The following SLC4A4 variants were observed in gnomAD, a reference collection of about 807,000 sequenced individuals.
The protein encoded by SLC4A4 is solute carrier family 4 member 4, also known as electrogenic sodium bicarbonate cotransporter 1.
SLC4A4 carries 27 observed loss-of-function variants against 111.5 expected under a neutral mutation model. The observed-to-expected ratio is 0.24, with a 90% confidence interval of 0.18 to 0.33. SLC4A4 has a LOEUF of 0.33. Ranked by LOEUF, SLC4A4 falls within the 10% of genes least tolerant of loss-of-function variation. The pLI, the probability that SLC4A4 is intolerant of heterozygous loss-of-function variation, is 1.00. For missense variants in SLC4A4, 909 were observed against 1,315.5 expected, an observed-to-expected ratio of 0.69 and a Z score of 4.78; for synonymous variants, 443 against 463.4, an observed-to-expected ratio of 0.96 and a Z score of 0.57.
intron 2 of SLC4A4, among the ~76,000 whole-genome samples, chr4:71,130,661 A>G (rs1388940857): frequency 6.6e-6 from 1 of 152,234 alleles, no homozygotes. Context: ...ATTAAGTGAT[A>G]TCATACTTTG....
At chr4:71,172,505 C>T (rs1744973601) in intron 2 of SLC4A4, among the ~76,000 whole-genome samples, 1 of 152,206 alleles carries the variant, frequency 6.6e-6, no homozygotes, top group Admixed American at 6.5e-5. Flanking sequence ...CTGCCCGCCT[C>T]AGCCTCTCAA....
At chr4:71,267,578 C>T (rs754813788) in intron 3 of SLC4A4, among the ~76,000 whole-genome samples, 5 of 151,742 alleles carry the variant, frequency 3.3e-5, no homozygotes, top group Non-Finnish European at 4.4e-5. Context: ...GTGGATCACC[C>T]GAGGTCAAAG....
chr4:71,173,746 T>A (rs1443427125), intron 2 of SLC4A4, among the ~76,000 whole-genome samples: 1 of 152,152 alleles, frequency 6.6e-6, no homozygotes, highest in African/African-American at 2.4e-5. Flanking sequence ...CCAACTCAAC[T>A]CCAAACTCCC....
At chr4:71,219,882 G>T (rs1287414233) in intron 1 of SLC4A4, among the ~76,000 whole-genome samples, 1 of 152,194 alleles carries the variant, frequency 6.6e-6, no homozygotes, top group Non-Finnish European at 1.5e-5. Context: ...TGACTGAATT[G>T]TTACAACCTC....
intron 3 of SLC4A4, among the ~76,000 whole-genome samples, chr4:71,271,117 A>T (rs1464261378): frequency 6.6e-6 from 1 of 152,164 alleles, no homozygotes; most frequent in Non-Finnish European, 1.5e-5. Context: ...GTCTATGTGG[A>T]CACCTTCACT....
intron 7 of SLC4A4, among the ~76,000 whole-genome samples, chr4:71,423,432 C>T (rs1170327124): frequency 1.3e-5 from 2 of 152,182 alleles, no homozygotes; most frequent in Admixed American, 1.3e-4. Context: ...TTTATAGATT[C>T]AATGCCATGC....
At chr4:71,428,394 T>G (rs1260129265) in intron 7 of SLC4A4, among the ~76,000 whole-genome samples, 1 of 151,968 alleles carries the variant, frequency 6.6e-6, no homozygotes, top group Non-Finnish European at 1.5e-5. Context: ...ACCAAGACAT[T>G]TTTGAGAATG....
intron 2 of SLC4A4, among the ~76,000 whole-genome samples, chr4:71,131,199 A>G (rs1170854441): frequency 6.6e-6 from 1 of 152,184 alleles, no homozygotes. Context: ...ATCTCTGTAG[A>G]AAGAAAAATT....
intron 2 of SLC4A4, among the ~76,000 whole-genome samples, chr4:71,139,028 T>G (rs1342631247): frequency 2.0e-5 from 2 of 98,044 alleles, no homozygotes; most frequent in Non-Finnish European, 3.7e-5. Context: ...AGAGTGAGAC[T>G]CCGTCTCAAA....
At chr4:71,448,167 A>G (rs981113920) in intron 9 of SLC4A4, among the ~76,000 whole-genome samples, 2 of 152,044 alleles carry the variant, frequency 1.3e-5, no homozygotes. Context: ...TAAAAATAAA[A>G]AAATTAGCCA....
intron 13 of SLC4A4, 63 bp from the exon 14 acceptor site, chr4:71,472,636 T>C: frequency 6.5e-7 from 1 of 1,532,094 alleles, no homozygotes; most frequent in Non-Finnish European, 9.0e-7. Context: ...CATTTGGTAG[T>C]TTTATATTAT....
chr4:71,139,135 G>A (rs1200116252), intron 2 of SLC4A4, among the ~76,000 whole-genome samples: 2 of 151,724 alleles, frequency 1.3e-5, no homozygotes, highest in Non-Finnish European at 2.9e-5. Flanking sequence ...GGTTGGAAGG[G>A]TAATGGTGAT....
At chr4:71,405,471 T>C (rs556294137) in intron 7 of SLC4A4, among the ~76,000 whole-genome samples, 94 of 152,202 alleles carry the variant, frequency 6.2e-4, no homozygotes, top group Non-Finnish European at 1.2e-3. Flanking sequence ...CGTATTTTAT[T>C]GATTCTATCT....
chr4:71,325,617 T>C (rs1727442842), intron 3 of SLC4A4, among the ~76,000 whole-genome samples: 1 of 152,012 alleles, frequency 6.6e-6, no homozygotes, highest in South Asian at 2.1e-4. Flanking sequence ...TAATGATTAA[T>C]TTCTTAGTAG....
chr4:71,472,712 G>A lies in SLC4A4; in HGVS notation c.1645G>A (p.Asp549Asn). 6.2e-7 allele frequency: 1 copy of A among 1,612,564 alleles called. No homozygotes were observed. The highest frequency in any genetic ancestry group is 8.5e-7 in the Non-Finnish European group (1 of 1,179,116). The change falls in exon 14 of 26, where the codon GAC (aspartate) becomes AAC (asparagine). Residue 549 changes from aspartate to asparagine, a missense_variant. By Grantham distance (23) the Asp-to-Asn change is conservative. Around this residue, in one of 7 missense-constraint regions of SLC4A4, gnomAD observed 264 missense variants for 356.8 expected, o/e 0.74. Transcript: ENST00000264485. The part of the protein sequence containing the change: ...LFNFSKDNNF[D>N]YLEFRLWIGL... ...TCTTTTTTCCAGGGACAATAATTTT[G>A]ACTATTTGGAGTTTCGCCTTTGGAT...
At chr4:71,101,042 G>A (rs1189608910) in intron 2 of SLC4A4, among the ~76,000 whole-genome samples, 3 of 152,118 alleles carry the variant, frequency 2.0e-5, no homozygotes, top group East Asian at 1.9e-4. Context: ...GGTGGATCAC[G>A]AGGTCAGGAG....
chr4:71,071,905 A>G (rs1421298963), intron 1 of SLC4A4, among the ~76,000 whole-genome samples: 1 of 152,216 alleles, frequency 6.6e-6, no homozygotes, highest in African/African-American at 2.4e-5. Flanking sequence ...ATAAATTCCT[A>G]GAAGTGGAAT....
chr4:71,342,266 T>C (rs185905879), intron 4 of SLC4A4, among the ~76,000 whole-genome samples: 27 of 152,328 alleles, frequency 1.8e-4, no homozygotes, highest in Admixed American at 7.8e-4. Context: ...TTTTAGTTCC[T>C]AAAACATCCT....
intron 14 of SLC4A4, among the ~76,000 whole-genome samples, chr4:71,480,419 A>G (rs1255124535): frequency 6.6e-6 from 1 of 151,626 alleles, no homozygotes; most frequent in African/African-American, 2.4e-5. Flanking sequence ...CTGTTTTAAT[A>G]CTTAAGGCTG....
Sources: gnomAD v4.1 joint callset for allele counts (sites outside exome capture counted in the v4.1 genomes callset) on GRCh38, gnomAD v4.1.1 for gene constraint, gnomAD v4.1.1 regional missense constraint, MANE v1.5 for transcripts, NCBI Gene and HGNC (gene_info 2026-07-23, HGNC 2026-07-21) for gene names.